Variants in MAPK10 observed in about 807,000 individuals in gnomAD.
MAPK10 encodes mitogen-activated protein kinase 10, also known as JNK3 alpha protein kinase.
MAPK10 carries 25 observed loss-of-function variants against 59.3 expected under a neutral mutation model. That is an observed-to-expected ratio of 0.42 (90% CI 0.31 to 0.59). MAPK10 has a LOEUF of 0.59. Among genes scored for constraint, MAPK10 ranks in the 20% least tolerant of loss-of-function variants. The pLI, the probability that MAPK10 is intolerant of heterozygous loss-of-function variation, is 0.15. For missense variants in MAPK10, 351 were observed against 568.9 expected (o/e 0.62, Z 3.90); for synonymous variants, 190 against 200.5 (o/e 0.95, Z 0.44).
At chr4:86,418,799 A>G (rs866298900) in intron 1 of MAPK10, among the ~76,000 whole-genome samples, 3 of 152,254 alleles carry the variant, frequency 2.0e-5, no homozygotes, top group African/African-American at 7.2e-5. Context: ...AAGTGGATAA[A>G]GAAAATGTAG....
chr4:86,225,116 A>C (rs1394528897), intron 2 of MAPK10, among the ~76,000 whole-genome samples: 1 of 152,188 alleles, frequency 6.6e-6, no homozygotes, highest in Non-Finnish European at 1.5e-5. Flanking sequence ...TGCAGAAAAG[A>C]GTTAACAGCA....
intron 1 of MAPK10, among the ~76,000 whole-genome samples, chr4:86,527,728 C>T (rs1257208692): frequency 1.3e-5 from 2 of 152,182 alleles, no homozygotes. Flanking sequence ...CATCACAGCA[C>T]TATTCACAAT....
intron 3 of MAPK10, among the ~76,000 whole-genome samples, chr4:86,160,741 T>C (rs1238470935): frequency 2.6e-5 from 4 of 152,012 alleles, no homozygotes; most frequent in Admixed American, 2.0e-4. Flanking sequence ...GTCCAGAATC[T>C]AAACCAAAGA....
chr4:86,446,918 C>T (rs1750118175), intron 1 of MAPK10, among the ~76,000 whole-genome samples: 1 of 151,816 alleles, frequency 6.6e-6, no homozygotes, highest in Non-Finnish European at 1.5e-5. Flanking sequence ...GTTTAAGAGT[C>T]CTTCATATAT....
At chr4:86,225,305 T>G (rs1194662908) in intron 2 of MAPK10, among the ~76,000 whole-genome samples, 1 of 152,126 alleles carries the variant, frequency 6.6e-6, no homozygotes, top group African/African-American at 2.4e-5. Flanking sequence ...AGTCTCAAAT[T>G]TTTGTACATC....
chr4:86,288,165 GTTT>G (rs112868673), intron 2 of MAPK10, among the ~76,000 whole-genome samples: 6 of 150,822 alleles, frequency 4.0e-5, no homozygotes, highest in South Asian at 4.2e-4. Flanking sequence ...AATGTTTTTT[GTTT>G]TTTTTTAATT....
intron 2 of MAPK10, among the ~76,000 whole-genome samples, chr4:86,321,385 C>A (rs1411749976): frequency 3.3e-5 from 5 of 151,754 alleles, no homozygotes; most frequent in Non-Finnish European, 5.9e-5. Context: ...CACATATACA[C>A]CATGGAATAC....
rs1345079668 is a variant in MAPK10 at position 86,056,123 on chromosome 4, C to CGGGAGATA, written c.1110+8135_1110+8142dup. Among the ~76,000 whole-genome samples the CGGGAGATA allele has an allele frequency of 5.3e-5, 8 of 150,002 alleles. 1 individual carries two copies. The highest frequency in any genetic ancestry group is 1.2e-4 in the Non-Finnish European group (8 of 67,566). ...AGACTTTAATCCCCTTTCCTCCCAA[C>CGGGAGATA]GGGAGATACAGTCTGTATAGAGAGC... On this transcript the variant is annotated intron_variant, in intron 11 of 13. Transcript: ENST00000641462.
intron 4 of MAPK10, chr4:86,152,481 T>C (rs1261529480): frequency 6.6e-6 from 1 of 152,164 alleles, no homozygotes; most frequent in Non-Finnish European, 1.5e-5. Context: ...GTCAAATATT[T>C]TAAATAAATT....
chr4:86,568,259 G>C (rs2149107218), intron 1 of MAPK10, among the ~76,000 whole-genome samples: 1 of 152,086 alleles, frequency 6.6e-6, no homozygotes, highest in African/African-American at 2.4e-5. Flanking sequence ...ATCTCTACAA[G>C]AAAAACTACA....
upstream of MAPK10, among the ~76,000 whole-genome samples, chr4:86,362,346 T>G (rs975439628): frequency 6.6e-6 from 1 of 151,942 alleles, no homozygotes; most frequent in East Asian, 1.9e-4. Context: ...ATAATATAAC[T>G]TTTTTTAAAG....
intron 9 of MAPK10, among the ~76,000 whole-genome samples, chr4:86,071,037 A>G (rs1461851026): frequency 1.3e-5 from 2 of 151,744 alleles, no homozygotes; most frequent in African/African-American, 2.4e-5. Flanking sequence ...ATTTCTCCAC[A>G]TCCTCTCCAG....
chr4:86,324,539 G>A (rs2095977766), intron 2 of MAPK10, among the ~76,000 whole-genome samples: 1 of 152,136 alleles, frequency 6.6e-6, no homozygotes, highest in African/African-American at 2.4e-5. Context: ...GATTAGAGCT[G>A]GGAAAATATT....
intron 4 of MAPK10, among the ~76,000 whole-genome samples, chr4:86,128,590 A>G (rs1265946458): frequency 1.3e-5 from 2 of 152,068 alleles, no homozygotes; most frequent in Admixed American, 6.5e-5. Context: ...AGCCAATTAA[A>G]TCTCTTTTCT....
chr4:86,454,073 T>C (rs754452757), upstream of MAPK10, among the ~76,000 whole-genome samples: 12 of 152,168 alleles, frequency 7.9e-5, no homozygotes, highest in Non-Finnish European at 1.6e-4. Flanking sequence ...GGGACAGTAC[T>C]ACATCAAGGA....
chr4:86,439,487 A>G (rs1749163881), intron 1 of MAPK10, among the ~76,000 whole-genome samples: 1 of 152,174 alleles, frequency 6.6e-6, no homozygotes, highest in Non-Finnish European at 1.5e-5. Flanking sequence ...TTTTTTATCC[A>G]TTCATCAGAT....
intron 1 of MAPK10, among the ~76,000 whole-genome samples, chr4:86,451,663 A>G (rs1750732258): frequency 6.6e-6 from 1 of 152,230 alleles, no homozygotes; most frequent in Admixed American, 6.5e-5. Context: ...ACTCAATCCC[A>G]CAGGAGCCCC....
intron 4 of MAPK10, among the ~76,000 whole-genome samples, chr4:86,118,676 T>C (rs981129196): frequency 6.6e-6 from 1 of 152,084 alleles, no homozygotes; most frequent in Non-Finnish European, 1.5e-5. Context: ...TTCTGACAAT[T>C]GCAGATAACC....
intron 9 of MAPK10, among the ~76,000 whole-genome samples, chr4:86,079,153 A>G (rs2050127892): frequency 6.6e-6 from 1 of 152,206 alleles, no homozygotes; most frequent in Non-Finnish European, 1.5e-5. Flanking sequence ...ATAAATGAGC[A>G]TAGGAAGAGG....
Sources: allele counts gnomAD v4.1 joint callset (sites outside exome capture counted in the v4.1 genomes callset), GRCh38; gene constraint gnomAD v4.1.1; transcripts MANE v1.5; gene names NCBI Gene and HGNC (gene_info 2026-07-23, HGNC 2026-07-21).